ELOVL7: variants seen among roughly 807,000 people sequenced by gnomAD.
ELOVL7 encodes the protein ELOVL fatty acid elongase 7, also known as very long chain fatty acid elongase 7.
A neutral mutation model predicts 35.7 loss-of-function variants in ELOVL7; 27 were observed. The observed-to-expected ratio is 0.76, with a 90% CI of 0.56 to 1.04. ELOVL7 has a LOEUF of 1.04. ELOVL7 is among the 50% of genes least tolerant of loss of function. ELOVL7 has a pLI of 0.00. For missense variants in ELOVL7, 327 were observed against 340.8 expected (o/e 0.96, Z 0.32); for synonymous variants, 113 against 114.6 (o/e 0.99, Z 0.09).
chr5:60,839,807 G>A (rs1360419000), intron 1 of ELOVL7, among the ~76,000 whole-genome samples: 2 of 152,204 alleles, frequency 1.3e-5, no homozygotes, highest in Non-Finnish European at 2.9e-5. Context: ...CAAGACCAAT[G>A]TGGGCAACAT....
intron 4 of ELOVL7, chr5:60,768,596 T>C: frequency 4.6e-6 from 2 of 436,562 alleles, no homozygotes; most frequent in Non-Finnish European, 4.6e-6. Flanking sequence ...AAAGAGCCTA[T>C]TGTTGATAAA....
chr5:60,766,432 A>T, intron 6 of ELOVL7, 142 bp downstream of exon 6: 1 of 622,494 alleles, frequency 1.6e-6, no homozygotes, highest in Non-Finnish European at 2.8e-6. Context: ...AGATAACAGT[A>T]GGTCTGCCTG....
rs1487282701 is a variant in ELOVL7, at chr5:60,768,055, TGCTTGATATCAAA to T, written c.256-165_256-153del. The T allele has an allele frequency of 4.6e-5, 26 of 568,632 alleles. No homozygotes were observed. In the East Asian group the frequency reaches 6.5e-4, roughly 14 times the overall value. The allele number at this position is 568,632 out of a possible 1,614,324, so 35.2% of individuals were successfully genotyped here. On this transcript the variant is annotated intron_variant, in intron 4 of 8. Transcript: ENST00000508821. ...AGCTGGAACAAATACAAAATGAACA[TGCTTGATATCAAA>T]GCTTGATATCAAGAATTTTCAAAAC... is the stretch of plus-strand genomic sequence containing the variant.
rs1432301834 is a variant in ELOVL7 at position 60,754,548 on chromosome 5, G to A, written c.*76C>T. 3 of 1,287,332 alleles carry A rather than the reference G, an allele frequency of 2.3e-6. No individual in the cohort carries two copies. Among genetic ancestry groups the A allele is most frequent in the South Asian group, 1.3e-5 (1 of 78,092 alleles). The allele number at this position is 1,287,332 out of a possible 1,614,324, so 79.7% of individuals were successfully genotyped here. A position where few individuals can be genotyped will look rare whatever the true frequency, so the allele number is the denominator to read the frequency against. Reference sequence around the variant, plus strand: ...CTTAGTTTTGAAAAATATACAAAATGCACTGCATAGGTAAATATCTCTTGA... The same window carrying A: ...CTTAGTTTTGAAAAATATACAAAATACACTGCATAGGTAAATATCTCTTGA... On this transcript the variant is annotated 3_prime_UTR_variant, in exon 9 of 9. Transcript: ENST00000508821.
chr5:60,797,194 G>C (rs1744314370), intron 2 of ELOVL7, among the ~76,000 whole-genome samples: 1 of 152,192 alleles, frequency 6.6e-6, no homozygotes, highest in South Asian at 2.1e-4. Flanking sequence ...ACATACGCAT[G>C]TGTGTATGCG....
chr5:60,838,621 T>A (rs1746970218), intron 1 of ELOVL7, among the ~76,000 whole-genome samples: 1 of 152,250 alleles, frequency 6.6e-6, no homozygotes, highest in Non-Finnish European at 1.5e-5. Flanking sequence ...GGGCTGCTGG[T>A]GTTCATGGCT....
chr5:60,837,309 G>C, intron 1 of ELOVL7, among the ~76,000 whole-genome samples: 1 of 107,286 alleles, frequency 9.3e-6, no homozygotes, highest in East Asian at 2.9e-4. Flanking sequence ...TGGTAGGGCG[G>C]GGGGGTGGGG....
At chr5:60,790,293 G>A (rs1743856075) in intron 2 of ELOVL7, among the ~76,000 whole-genome samples, 1 of 152,152 alleles carries the variant, frequency 6.6e-6, no homozygotes, top group South Asian at 2.1e-4. Context: ...AGGGAATGGG[G>A]TACAAACTGG....
chr5:60,837,519 C>T (rs1746898987), intron 1 of ELOVL7, among the ~76,000 whole-genome samples: 1 of 152,114 alleles, frequency 6.6e-6, no homozygotes, highest in African/African-American at 2.4e-5. Context: ...CCTTTCACCC[C>T]ATAATTTTCA....
chr5:60,812,945 G>C (rs1337664733), intron 1 of ELOVL7, among the ~76,000 whole-genome samples: 1 of 152,034 alleles, frequency 6.6e-6, no homozygotes, highest in East Asian at 1.9e-4. Context: ...TGCTCTCTTT[G>C]CTTTCTATCT....
chr5:60,804,771 T>C (rs969404264), intron 1 of ELOVL7, among the ~76,000 whole-genome samples: 4 of 152,242 alleles, frequency 2.6e-5, no homozygotes, highest in Admixed American at 1.3e-4. Flanking sequence ...AAATGCTCCA[T>C]TTCTTAGGCC....
intron 2 of ELOVL7, among the ~76,000 whole-genome samples, chr5:60,798,586 C>T (rs1744406083): frequency 6.6e-6 from 1 of 152,076 alleles, no homozygotes; most frequent in South Asian, 2.1e-4. Flanking sequence ...GCCAAATAGA[C>T]TTTAAGTCAA....
intron 7 of ELOVL7, among the ~76,000 whole-genome samples, chr5:60,759,608 C>CTTTT (rs11371606): frequency 1.3e-3 from 184 of 145,724 alleles, no homozygotes; most frequent in African/African-American, 4.3e-3. Flanking sequence ...TGCCTATTTT[C>CTTTT]TTTTTTTTTT....
intron 1 of ELOVL7, among the ~76,000 whole-genome samples, chr5:60,814,091 G>A (rs1251436042): frequency 3.3e-5 from 5 of 152,112 alleles, no homozygotes; most frequent in Admixed American, 1.3e-4. Flanking sequence ...GACAAAGGTC[G>A]GAAAGACTTT....
chr5:60,764,241 A>G lies in ELOVL7; in HGVS notation c.485T>C (p.Val162Ala). ...TIMPWTWWFG[V>A]KFAAGGLGTF... Reference sequence around the variant, plus strand: ...CCCTTGTCTACCTGCAGCAAATTTGACTCCAAACCACCAGGTCCACGGCAT... The same window carrying G: ...CCCTTGTCTACCTGCAGCAAATTTGGCTCCAAACCACCAGGTCCACGGCAT... The change falls in exon 7 of 9, where the codon GTC becomes GCC. Residue 162 changes from valine (V) to alanine (A), a missense_variant. Physicochemically the swap from Val to Ala is moderately conservative, Grantham distance 64. Transcript: ENST00000508821. 1.9e-6 allele frequency: 3 copies of G among 1,612,978 alleles called. No individual in the cohort carries two copies. Among genetic ancestry groups the G allele is most frequent in the Non-Finnish European group, 1.7e-6 (2 of 1,179,208 alleles).
chr5:60,815,531 C>T (rs1010769883), intron 1 of ELOVL7, among the ~76,000 whole-genome samples: 3 of 137,826 alleles, frequency 2.2e-5, no homozygotes, highest in Non-Finnish European at 4.7e-5. Flanking sequence ...ATCTCAAATA[C>T]ACGCAATAAA....
chr5:60,775,194 C>T (rs184916181), intron 3 of ELOVL7, among the ~76,000 whole-genome samples: 3 of 152,308 alleles, frequency 2.0e-5, no homozygotes, highest in Admixed American at 6.5e-5. Context: ...AACCCTCAAG[C>T]TGACAGCCAA....
chr5:60,841,031 T>C (rs1372206968), intron 1 of ELOVL7, among the ~76,000 whole-genome samples: 1 of 150,590 alleles, frequency 6.6e-6, no homozygotes, highest in African/African-American at 2.4e-5. Context: ...TCCTTTTTTT[T>C]TTTTTTTTTT....
chr5:60,755,693 A>G (rs1741501168), intron 8 of ELOVL7, among the ~76,000 whole-genome samples: 1 of 151,770 alleles, frequency 6.6e-6, no homozygotes, highest in South Asian at 2.1e-4. Context: ...ACTGAGGCAG[A>G]GAATCTACGA....
Sources: allele counts gnomAD v4.1 joint callset (sites outside exome capture counted in the v4.1 genomes callset), GRCh38; gene constraint gnomAD v4.1.1; transcripts MANE v1.5; gene names NCBI Gene and HGNC (gene_info 2026-07-23, HGNC 2026-07-21).